The following STX8 variants were observed in gnomAD, a reference collection of about 807,000 sequenced individuals.
The protein encoded by STX8 is syntaxin 8.
A neutral mutation model predicts 37.5 loss-of-function variants in STX8; 23 were observed. That is an observed-to-expected ratio of 0.61 (90% confidence interval 0.44 to 0.87). The LOEUF (loss-of-function observed/expected upper bound fraction) is 0.87, where lower values mean the gene tolerates loss of function less well. STX8 is among the 40% of genes least tolerant of loss of function. The probability of loss-of-function intolerance (pLI) is 0.00; values close to 1 mark genes in which losing one functional copy is unlikely to be tolerated. For missense variants in STX8, 313 were observed against 284.7 expected (o/e 1.10, Z -0.71); for synonymous variants, 115 against 99.1 (o/e 1.16, Z -0.95).
At chr17:9,560,465 A>T (rs979825277) in intron 2 of STX8, among the ~76,000 whole-genome samples, 1 of 151,888 alleles carries the variant, frequency 6.6e-6, no homozygotes, top group Non-Finnish European at 1.5e-5. Context: ...AAAAAAATCA[A>T]GGGCATTCCT....
intron 7 of STX8, among the ~76,000 whole-genome samples, chr17:9,343,017 T>TA (rs1910418021): frequency 3.9e-5 from 1 of 25,706 alleles, no homozygotes; most frequent in African/African-American, 1.8e-4. Context: ...TGAAACTGTC[T>TA]CAAAAAAAAA....
At chr17:9,431,427 T>G (rs1567558174) in intron 6 of STX8, among the ~76,000 whole-genome samples, 1 of 148,614 alleles carries the variant, frequency 6.7e-6, no homozygotes, top group Admixed American at 6.8e-5. Context: ...TAGCAGGGTT[T>G]TTGTTGTTGT....
chr17:9,370,561 T>C (rs1911371786), intron 7 of STX8, among the ~76,000 whole-genome samples: 2 of 152,188 alleles, frequency 1.3e-5, no homozygotes, highest in Admixed American at 6.5e-5. Flanking sequence ...GGTCGTCGAT[T>C]GAGACAGCAT....
intron 7 of STX8, among the ~76,000 whole-genome samples, chr17:9,333,194 T>C (rs550167411): frequency 3.1e-4 from 47 of 152,298 alleles, no homozygotes; most frequent in African/African-American, 1.1e-3. Flanking sequence ...AATGATCCCC[T>C]CAGCGAGGTA....
chr17:9,265,030 G>A (rs1452902611), intron 7 of STX8, among the ~76,000 whole-genome samples: 2 of 150,176 alleles, frequency 1.3e-5, no homozygotes, highest in Non-Finnish European at 3.0e-5. Context: ...AAGGTGGGAG[G>A]ATCACTTGAG....
intron 4 of STX8, among the ~76,000 whole-genome samples, chr17:9,519,323 T>C (rs1905255256): frequency 1.3e-5 from 2 of 152,174 alleles, no homozygotes; most frequent in Non-Finnish European, 2.9e-5. Context: ...CTCTCTATTT[T>C]GGTGAGCAGC....
chr17:9,322,860 A>G (rs1025591594), intron 7 of STX8, among the ~76,000 whole-genome samples: 1 of 150,088 alleles, frequency 6.7e-6, no homozygotes, highest in African/African-American at 2.4e-5. Flanking sequence ...CCCTCATTTG[A>G]AGTTGAAGAA....
In STX8 at chr17:9,498,091, G is replaced by A. The variant is rs373009525; in HGVS notation, c.449-6170C>T. Among the ~76,000 whole-genome samples the A allele has an allele frequency of 1.8e-3, 275 of 152,186 alleles. 2 individuals carry two copies. Among genetic ancestry groups the A allele is most frequent in the African/African-American group, 6.3e-3 (263 of 41,556 alleles). ...AATAAAGGAAGGTAGGAATGAAAGA[G>A]AAGAAAATCAGGTCACCCAGGTGCA... On this transcript the variant is annotated intron_variant, in intron 5 of 7. Coordinates refer to ENST00000306357, the MANE Select transcript of STX8 (RefSeq NM_004853.3).
intron 4 of STX8, among the ~76,000 whole-genome samples, chr17:9,511,983 A>G (rs959751720): frequency 7.2e-5 from 11 of 151,898 alleles, no homozygotes; most frequent in African/African-American, 2.4e-4. Flanking sequence ...AGACAATCTC[A>G]TTTACAATAG....
At chr17:9,310,064 GAA>G (rs1447388438) in intron 7 of STX8, among the ~76,000 whole-genome samples, 1 of 151,934 alleles carries the variant, frequency 6.6e-6, no homozygotes, top group Non-Finnish European at 1.5e-5. Flanking sequence ...GTTTCGGAAA[GAA>G]AAAGTCTAGG....
intron 6 of STX8, among the ~76,000 whole-genome samples, chr17:9,399,588 G>A (rs914237183): frequency 1.9e-4 from 29 of 152,172 alleles, no homozygotes; most frequent in Admixed American, 9.2e-4. Context: ...AGATCCGGCC[G>A]GGTGCGGTGG....
At chr17:9,529,335 ATATG>A (rs1240057021) in intron 4 of STX8, among the ~76,000 whole-genome samples, 110 of 152,332 alleles carry the variant, frequency 7.2e-4, no homozygotes, top group African/African-American at 2.3e-3. Context: ...ATATATGCAA[ATATG>A]TATGTATATA....
At chr17:9,262,532 T>A (rs1300084045) in intron 7 of STX8, among the ~76,000 whole-genome samples, 3 of 149,786 alleles carry the variant, frequency 2.0e-5, no homozygotes, top group Non-Finnish European at 1.5e-5. Context: ...ATAAATTACA[T>A]GTTTTTTGTT....
intron 7 of STX8, among the ~76,000 whole-genome samples, chr17:9,285,045 C>A (rs1166971162): frequency 6.6e-6 from 1 of 152,120 alleles, no homozygotes; most frequent in Non-Finnish European, 1.5e-5. Context: ...GGCCCCACCC[C>A]CCTGGAGATT....
intron 7 of STX8, among the ~76,000 whole-genome samples, chr17:9,324,690 G>A (rs1052039746): frequency 2.0e-5 from 3 of 151,036 alleles, no homozygotes; most frequent in Admixed American, 6.6e-5. Flanking sequence ...GCTTGAACCC[G>A]GGAAGTGAAG....
chr17:9,443,986 G>A (rs578023973), intron 6 of STX8, among the ~76,000 whole-genome samples: 3 of 152,038 alleles, frequency 2.0e-5, no homozygotes, highest in Admixed American at 6.6e-5. Context: ...CATGTGACAC[G>A]ACGAATGATT....
chr17:9,430,062 A>T (rs11869877), intron 6 of STX8, among the ~76,000 whole-genome samples: 1 of 59,856 alleles, frequency 1.7e-5, no homozygotes, highest in African/African-American at 9.2e-5. Flanking sequence ...TCTATATAAT[A>T]TATATATTCT....
chr17:9,571,279 TAAC>T (rs1907676745), intron 1 of STX8, among the ~76,000 whole-genome samples: 1 of 152,076 alleles, frequency 6.6e-6, no homozygotes, highest in South Asian at 2.1e-4. Context: ...TTTAAAAAAA[TAAC>T]AATGCCTGGT....
chr17:9,384,496 G>A (rs1911921616), intron 6 of STX8, among the ~76,000 whole-genome samples: 1 of 152,050 alleles, frequency 6.6e-6, no homozygotes, highest in South Asian at 2.1e-4. Context: ...AAATTAGCCA[G>A]GCGTGATGGT....
Sources: allele counts gnomAD v4.1 joint callset (sites outside exome capture counted in the v4.1 genomes callset), GRCh38; gene constraint gnomAD v4.1.1; transcripts MANE v1.5; gene names NCBI Gene and HGNC (gene_info 2026-07-23, HGNC 2026-07-21).